Variants in ATXN2 observed in about 807,000 individuals in gnomAD.
ATXN2 encodes the protein ataxin 2.
In ATXN2, 37 loss-of-function variants were observed where a neutral mutation model predicts 138.6. The observed-to-expected ratio is 0.27, with a 90% CI of 0.21 to 0.35. The LOEUF (loss-of-function observed/expected upper bound fraction) is 0.35, where lower values mean the gene tolerates loss of function less well. ATXN2 is among the 10% of genes least tolerant of loss of function. ATXN2 has a pLI of 1.00. For synonymous variants in ATXN2, 549 were observed against 543.7 expected (o/e 1.01, Z -0.13); for missense variants, 1,216 against 1,480.3 (o/e 0.82, Z 2.93).
intron 18 of ATXN2, among the ~76,000 whole-genome samples, chr12:111,474,217 T>C (rs1193235107): frequency 6.6e-6 from 1 of 151,798 alleles, no homozygotes; most frequent in African/African-American, 2.4e-5. Context: ...TTAGACACTG[T>C]CTCAAAAAAC....
rs1408436529 is a variant in ATXN2 at position 111,452,245 on chromosome 12, T to A, written c.*567A>T. On this transcript the variant is annotated 3_prime_UTR_variant, in exon 25 of 25. Transcript: ENST00000673436. ...TTTAAAACTTTTTTTATTTTTTAAA[T>A]TTTTTTTAAGTTTTTATTTTATATT... The A allele has an allele frequency of 1.3e-5, 2 of 152,172 alleles. No homozygotes were observed. The highest frequency in any genetic ancestry group is 4.9e-5 in the African/African-American group (2 of 41,228). 9.4% of individuals were successfully genotyped at this position (152,172 alleles called of 1,614,324 possible).
chr12:111,477,357 G>A (rs1876897600), intron 18 of ATXN2, among the ~76,000 whole-genome samples: 1 of 151,546 alleles, frequency 6.6e-6, no homozygotes, highest in Non-Finnish European at 1.5e-5. Flanking sequence ...CTTGTTTCAA[G>A]AACAGAAAAA....
At chr12:111,592,341 A>C (rs972353431) in intron 1 of ATXN2, among the ~76,000 whole-genome samples, 6 of 152,064 alleles carry the variant, frequency 3.9e-5, no homozygotes, top group Non-Finnish European at 7.4e-5. Context: ...CAGTGAGCCA[A>C]GATCACGCCA....
At position 111,516,464 on chromosome 12, in the gene ATXN2, G is replaced by T; in HGVS notation, c.1166-101C>A. The T allele has an allele frequency of 8.6e-7, 1 of 1,161,580 alleles. No homozygotes were observed. Among genetic ancestry groups the T allele is most frequent in the Non-Finnish European group, 1.2e-6 (1 of 827,078 alleles). 72.0% of individuals were successfully genotyped at this position (1,161,580 alleles called of 1,614,324 possible). On this transcript the variant is annotated intron_variant, in intron 9 of 24. Transcript: ENST00000673436. This position sits in a 1 kb window ranked among gnomAD's most constrained non-coding sequence, Gnocchi z 5.0. ...AGTAAAATGACAAAAATGATTTCTT[G>T]TACATTTTAACCCTTTGAGGACAGT... is the stretch of plus-strand genomic sequence containing the variant.
At chr12:111,533,880 A>G (rs1880990064) in intron 5 of ATXN2, among the ~76,000 whole-genome samples, 1 of 152,100 alleles carries the variant, frequency 6.6e-6, no homozygotes, top group South Asian at 2.1e-4. Context: ...TGTGTAACCC[A>G]TGGATAGAGA....
chr12:111,589,242 G>C (rs1376246000), intron 1 of ATXN2, among the ~76,000 whole-genome samples: 1 of 151,764 alleles, frequency 6.6e-6, no homozygotes, highest in Non-Finnish European at 1.5e-5. Flanking sequence ...TTGAACCTAG[G>C]AGGCGGAGGT....
chr12:111,598,090 T>A lies in ATXN2; in HGVS notation c.251+694A>T, dbSNP rs898516956. The A allele has an allele frequency of 9.7e-6, 11 of 1,135,062 alleles. No homozygotes were observed. The African/African-American group carries it at 1.5e-4, about 15-fold the overall frequency. The allele number at this position is 1,135,062 out of a possible 1,614,324, so 70.3% of individuals were successfully genotyped here. Reference sequence around the variant, plus strand: ...GGGTGGAACGCTGCCGGAGGCCACATGGAGCCCCACGATTTCAGGGGAGTT... The same window carrying A: ...GGGTGGAACGCTGCCGGAGGCCACAAGGAGCCCCACGATTTCAGGGGAGTT... On this transcript the variant is annotated intron_variant, in intron 1 of 24. Transcript: ENST00000673436. This position sits in a 1 kb window ranked among gnomAD's most constrained non-coding sequence, Gnocchi z 4.5.
intron 1 of ATXN2, among the ~76,000 whole-genome samples, chr12:111,595,199 T>C (rs1316633581): frequency 6.6e-6 from 1 of 152,174 alleles, no homozygotes. Flanking sequence ...ATAAAAATCC[T>C]GAAGCCCTCT....
rs574614724 is a variant in ATXN2 at position 111,470,440 on chromosome 12, C to T, written c.2709+118G>A. 1.5e-4 allele frequency: 187 copies of T among 1,246,638 alleles called. 1 individual carries two copies. In the African/African-American group the frequency reaches 2.5e-3, roughly 17 times the overall value. The allele number at this position is 1,246,638 out of a possible 1,614,324, so 77.2% of individuals were successfully genotyped here. ...ATATATTGAAAAGGGTCCCCAAGTC[C>T]TTAGCTATCTACCCTACCATCACAC... On this transcript the variant is annotated intron_variant, in intron 19 of 24. Transcript: ENST00000673436.
intron 18 of ATXN2, among the ~76,000 whole-genome samples, chr12:111,475,384 A>T (rs1441831337): frequency 1.7e-5 from 2 of 116,716 alleles, no homozygotes; most frequent in South Asian, 2.2e-4. Flanking sequence ...TGAAACAATT[A>T]AAAAAAAAAA....
chr12:111,475,380 A>C (rs1053983091), intron 18 of ATXN2, among the ~76,000 whole-genome samples: 1 of 143,202 alleles, frequency 7.0e-6, no homozygotes. Flanking sequence ...AATATGAAAC[A>C]ATTAAAAAAA....
chr12:111,599,222 C>A lies in ATXN2; in HGVS notation c.-188G>T. 8.3e-7 allele frequency: 1 copy of A among 1,200,604 alleles called. No individual in the cohort carries two copies. Among genetic ancestry groups the A allele is most frequent in the Non-Finnish European group, 1.0e-6 (1 of 968,722 alleles). 74.4% of individuals were successfully genotyped at this position (1,200,604 alleles called of 1,614,324 possible). On this transcript the variant is annotated 5_prime_UTR_variant, in exon 1 of 25. Transcript: ENST00000673436. ...GACGACGAAGGGGCGGGGAGGCCCG[C>A]CGAGACCAAGGAGCCGCCGGGAGCC...
At chr12:111,581,646 T>C (rs1022145974) in intron 1 of ATXN2, 5 of 752,414 alleles carry the variant, frequency 6.6e-6, no homozygotes, top group Admixed American at 1.8e-5. Context: ...AAGAAGATGG[T>C]TGGCGACCTG....
chr12:111,520,604 T>C (rs961917710), intron 7 of ATXN2, among the ~76,000 whole-genome samples: 1 of 152,012 alleles, frequency 6.6e-6, no homozygotes, highest in African/African-American at 2.4e-5. Context: ...TGAGCCGAGA[T>C]TGCACCACTG....
chr12:111,564,549 C>A (rs1882884086), intron 1 of ATXN2, among the ~76,000 whole-genome samples: 1 of 151,052 alleles, frequency 6.6e-6, no homozygotes, highest in Admixed American at 6.6e-5. Flanking sequence ...ATACTTATTA[C>A]CTGAGACTTT....
intron 1 of ATXN2, among the ~76,000 whole-genome samples, chr12:111,567,869 T>G (rs776234619): frequency 2.6e-5 from 4 of 152,148 alleles, no homozygotes; most frequent in Non-Finnish European, 4.4e-5. Context: ...GTTACTTAAT[T>G]AACAAGCAAA....
chr12:111,466,066 T>C (rs1446783167), intron 20 of ATXN2, among the ~76,000 whole-genome samples: 1 of 151,714 alleles, frequency 6.6e-6, no homozygotes, highest in Non-Finnish European at 1.5e-5. Flanking sequence ...CTCAGGAGGC[T>C]GAGGCAGGAG....
At chr12:111,494,572 C>A (rs772305999) in intron 14 of ATXN2, among the ~76,000 whole-genome samples, 6 of 151,914 alleles carry the variant, frequency 3.9e-5, no homozygotes, top group African/African-American at 1.5e-4. Context: ...ATTACAGGCA[C>A]GTGCCTCCAC....
chr12:111,595,478 C>T (rs566064429), intron 1 of ATXN2, among the ~76,000 whole-genome samples: 3 of 151,306 alleles, frequency 2.0e-5, no homozygotes, highest in Non-Finnish European at 4.4e-5. Context: ...CTTGTCTCTA[C>T]CAAAAATACA....
Sources: allele counts gnomAD v4.1 joint callset (sites outside exome capture counted in the v4.1 genomes callset), GRCh38; gene constraint gnomAD v4.1.1; non-coding constraint Gnocchi (gnomAD v3.1); transcripts MANE v1.5; gene names NCBI Gene and HGNC (gene_info 2026-07-23, HGNC 2026-07-21).